Variants in GNAQ observed in about 807,000 individuals in gnomAD.
GNAQ encodes the protein guanine nucleotide-binding protein G(q) subunit alpha.
GNAQ carries 8 observed loss-of-function variants against 43.9 expected under a neutral mutation model. The observed-to-expected ratio is 0.18, with a 90% confidence interval of 0.11 to 0.33. The LOEUF (loss-of-function observed/expected upper bound fraction) is 0.33, where lower values mean the gene tolerates loss of function less well. Ranked by LOEUF, GNAQ falls within the 10% of genes least tolerant of loss-of-function variation. The pLI is 1.00. For missense variants in GNAQ, 158 were observed against 450.8 expected, an observed-to-expected ratio of 0.35 and a Z score of 5.88; for synonymous variants, 155 against 170.7, an observed-to-expected ratio of 0.91 and a Z score of 0.71.
intron 2 of GNAQ, among the ~76,000 whole-genome samples, chr9:77,863,223 G>C (rs536767961): frequency 1.3e-5 from 2 of 151,802 alleles, no homozygotes; most frequent in South Asian, 4.2e-4. Context: ...AGGAAGGGAG[G>C]AAGGAAGAAA....
intron 2 of GNAQ, among the ~76,000 whole-genome samples, chr9:77,852,198 A>C (rs1422919417): frequency 6.6e-6 from 1 of 152,156 alleles, no homozygotes; most frequent in Non-Finnish European, 1.5e-5. Context: ...ATGAAACTAG[A>C]TGGGGTTTCC....
chr9:77,960,793 A>G (rs11145634), intron 1 of GNAQ, among the ~76,000 whole-genome samples: 62,212 of 152,024 alleles, frequency 0.41, 13,473 homozygotes, highest in Admixed American at 0.49. Context: ...TGATCTATTC[A>G]CTACACTAGA....
intron 5 of GNAQ, among the ~76,000 whole-genome samples, chr9:77,794,016 A>G (rs987452522): frequency 2.6e-5 from 4 of 152,178 alleles, no homozygotes; most frequent in Non-Finnish European, 4.4e-5. Context: ...TTTAGAGCCC[A>G]GCTGCGAAGT....
intron 1 of GNAQ, among the ~76,000 whole-genome samples, chr9:77,977,734 G>C (rs1400201436): frequency 6.6e-6 from 1 of 152,170 alleles, no homozygotes; most frequent in African/African-American, 2.4e-5. Context: ...TTTTCACTTT[G>C]CAAGTCTGAA....
intron 1 of GNAQ, among the ~76,000 whole-genome samples, chr9:77,987,734 T>C (rs1487824307): frequency 6.6e-6 from 1 of 151,976 alleles, no homozygotes; most frequent in Non-Finnish European, 1.5e-5. Context: ...GTACAGTACA[T>C]AAAATATGGA....
intron 2 of GNAQ, among the ~76,000 whole-genome samples, chr9:77,898,954 C>T (rs1828548453): frequency 6.6e-6 from 1 of 152,114 alleles, no homozygotes. Context: ...TATAGTTCTA[C>T]TTCAATGTTT....
intron 2 of GNAQ, among the ~76,000 whole-genome samples, chr9:77,828,750 G>A (rs1352294792): frequency 3.9e-5 from 6 of 152,154 alleles, no homozygotes; most frequent in African/African-American, 1.4e-4. Flanking sequence ...ATGATACAAT[G>A]ACCAGTACAG....
chr9:77,857,860 A>G (rs1462682254), intron 2 of GNAQ, among the ~76,000 whole-genome samples: 1 of 121,954 alleles, frequency 8.2e-6, no homozygotes, highest in Non-Finnish European at 1.8e-5. Context: ...ACATTTTGAG[A>G]AGGCAATAAA....
chr9:78,018,790 C>T (rs1823869958), intron 1 of GNAQ, among the ~76,000 whole-genome samples: 1 of 152,088 alleles, frequency 6.6e-6, no homozygotes, highest in Admixed American at 6.5e-5. Context: ...CCACAGCATA[C>T]TGCTTAAGGA....
intron 2 of GNAQ, among the ~76,000 whole-genome samples, chr9:77,846,117 T>TTTGGCCACGGTCTG (rs1338771006): frequency 2.6e-5 from 4 of 152,228 alleles, no homozygotes; most frequent in Admixed American, 2.6e-4. Flanking sequence ...AAACGTGCTG[T>TTTGGCCACGGTCTG]TTGGCCACGG....
intron 1 of GNAQ, among the ~76,000 whole-genome samples, chr9:77,965,482 A>G (rs1420262728): frequency 6.6e-6 from 1 of 152,202 alleles, no homozygotes; most frequent in African/African-American, 2.4e-5. Flanking sequence ...ACTTGTATCC[A>G]GAAAATATTA....
rs573013739 is a variant in GNAQ, at chr9:77,945,089, G to A, written c.137-22744C>T. On this transcript the variant is annotated intron_variant, in intron 1 of 6. Transcript: ENST00000286548. ...ATTTGTTTGAAGTATTGTAAATTCC[G>A]AGAATATCAGGCACACCCATACTCA... Among the ~76,000 whole-genome samples the A allele has an allele frequency of 2.0e-5, 3 of 152,226 alleles. No individual in the cohort carries two copies. The East Asian group carries it at 5.8e-4, about 29-fold the overall frequency.
At chr9:77,735,908 G>GT (rs1326248433) in intron 5 of GNAQ, among the ~76,000 whole-genome samples, 1 of 152,126 alleles carries the variant, frequency 6.6e-6, no homozygotes, top group Non-Finnish European at 1.5e-5. Flanking sequence ...GTCTCCTCAT[G>GT]TATCTCCCAT....
In GNAQ at chr9:77,719,174, T is replaced by C; in HGVS notation, c.*2149A>G. The C allele has an allele frequency of 4.3e-6, 1 of 231,348 alleles. No homozygotes were observed. Among genetic ancestry groups the C allele is most frequent in the Non-Finnish European group, 8.5e-6 (1 of 117,022 alleles). The allele number at this position is 231,348 out of a possible 1,614,324, so 14.3% of individuals were successfully genotyped here. ...AAAATATCCCTAGTCAGAAATAAACTGACAAATTTACATTCTCCTCTCTTA... is the reference window on the plus strand; with the variant it reads ...AAAATATCCCTAGTCAGAAATAAACCGACAAATTTACATTCTCCTCTCTTA... On this transcript the variant is annotated 3_prime_UTR_variant, in exon 7 of 7. Transcript: ENST00000286548.
intron 5 of GNAQ, among the ~76,000 whole-genome samples, chr9:77,783,500 C>A (rs986824751): frequency 5.3e-5 from 8 of 152,270 alleles, no homozygotes; most frequent in African/African-American, 1.9e-4. Context: ...TCTGTCTCTA[C>A]AGACTCTGCT....
chr9:77,781,507 A>C (rs906161948), intron 5 of GNAQ, among the ~76,000 whole-genome samples: 2 of 152,140 alleles, frequency 1.3e-5, no homozygotes, highest in African/African-American at 4.8e-5. Flanking sequence ...AATACCTCCT[A>C]ACTCATTATG....
intron 5 of GNAQ, among the ~76,000 whole-genome samples, chr9:77,751,108 T>C (rs1825804264): frequency 2.0e-5 from 3 of 152,178 alleles, no homozygotes; most frequent in Non-Finnish European, 4.4e-5. Flanking sequence ...AGTCAGTGAA[T>C]CCCATTTAGC....
intron 2 of GNAQ, among the ~76,000 whole-genome samples, chr9:77,877,142 G>C (rs1828138549): frequency 6.6e-6 from 1 of 152,248 alleles, no homozygotes; most frequent in Non-Finnish European, 1.5e-5. Flanking sequence ...ATGGGCAGCT[G>C]CAATTACTCT....
chr9:77,920,988 C>T (rs530109199), intron 2 of GNAQ, among the ~76,000 whole-genome samples: 1 of 152,302 alleles, frequency 6.6e-6, no homozygotes, highest in Non-Finnish European at 1.5e-5. Context: ...CTGGACATTG[C>T]AACTTCTTGC....
Sources: gnomAD v4.1 joint callset for allele counts (sites outside exome capture counted in the v4.1 genomes callset) on GRCh38, gnomAD v4.1.1 for gene constraint, MANE v1.5 for transcripts, NCBI Gene and HGNC (gene_info 2026-07-23, HGNC 2026-07-21) for gene names.